The following NDST2 variants were observed in gnomAD, a reference collection of about 807,000 sequenced individuals.
NDST2 encodes the protein bifunctional heparan sulfate N-deacetylase/N-sulfotransferase 2.
A neutral mutation model predicts 86.9 loss-of-function variants in NDST2; 32 were observed. That is an observed-to-expected ratio of 0.37 (90% CI 0.28 to 0.49). NDST2 has a LOEUF of 0.49. NDST2 is among the 20% of genes least tolerant of loss of function. The pLI is 0.97. For missense variants in NDST2, 950 were observed against 1,146.9 expected, an observed-to-expected ratio of 0.83 and a Z score of 2.48; for synonymous variants, 409 against 437.0, an observed-to-expected ratio of 0.94 and a Z score of 0.80.
chr10:73,803,330 A>G lies in NDST2; in HGVS notation c.2172T>C (p.Ala724=), dbSNP rs1233510075. ...TCACCTGATAGAAGGTATAGTTCAGAGCAACTGGGTCTCCATGGGCTCGCT... is the reference window on the plus strand; with the variant it reads ...TCACCTGATAGAAGGTATAGTTCAGGGCAACTGGGTCTCCATGGGCTCGCT... The part of the protein sequence containing the change: ...QHQRAHGDPV[A]LNYTFYQVIS... The change falls in exon 12 of 15, where the codon GCT becomes GCC. Residue 724 remains alanine, a synonymous_variant. Transcript: ENST00000309979. The G allele has an allele frequency of 6.2e-7, 1 of 1,614,098 alleles. No homozygotes were observed. The highest frequency in any genetic ancestry group is 8.5e-7 in the Non-Finnish European group (1 of 1,180,038).
At position 73,803,677 on chromosome 10, in the gene NDST2, A is replaced by G; in HGVS notation, c.2039T>C (p.Phe680Ser). The G allele has an allele frequency of 1.2e-6, 2 of 1,614,026 alleles. No homozygotes were observed. Among genetic ancestry groups the G allele is most frequent in the East Asian group, 2.2e-5 (1 of 44,876 alleles). The part of the protein sequence containing the change: ...DFLFEKSATY[F>S]DSEVVPRRGA... ...CCGCCGTGGTACAACTTCAGAGTCA[A>G]AGTAGGTGGCACTTTTTTCAAATAG... Residue 680 changes from phenylalanine (F) to serine (S), a missense_variant, in exon 11 of 15, where the codon TTT (phenylalanine) becomes TCT (serine). Phe to Ser is a radical substitution (Grantham distance 155). Transcript: ENST00000309979.
In NDST2 at chr10:73,808,404, G is replaced by A. The variant is rs1392042448; in HGVS notation, c.-16C>T. On this transcript the variant is annotated 5_prime_UTR_variant, in exon 3 of 15. Transcript: ENST00000309979. This position sits in a 1 kb window ranked among gnomAD's most constrained non-coding sequence, Gnocchi z 4.3. ...ACTGGAGCATGGCGGGGGGAGGAAG[G>A]GAGGGAGGAATGGGGACCACCTCAG... is the stretch of plus-strand genomic sequence containing the variant. 2 of 1,574,030 alleles carry A rather than the reference G, an allele frequency of 1.3e-6. No individual in the cohort carries two copies. The highest frequency in any genetic ancestry group is 1.8e-5 in the Admixed American group (1 of 55,482).
Position 73,805,727 on chromosome 10 carries a change from G to A in NDST2, c.1606C>T (p.Arg536Trp), listed in dbSNP as rs528965527. ...CTCTCAAAGGTGTATAGGCCCAGCC[G>A]GTCATTTCCATAATTGGACAGATGG... is the stretch of plus-strand genomic sequence containing the variant. ...MTHLSNYGND[R>W]LGLYTFESLV... is the part of the protein sequence containing the mutation. The change falls in exon 8 of 15, where the codon CGG (arginine) becomes TGG (tryptophan). Residue 536 changes from arginine to tryptophan, a missense_variant. By Grantham distance (101) the Arg-to-Trp change is moderately radical. Around this residue, in one of 5 missense-constraint regions of NDST2, gnomAD observed 586 missense variants for 714.0 expected, o/e 0.82. Coordinates refer to ENST00000309979, the MANE Select transcript of NDST2 (RefSeq NM_003635.4). 13 of 1,614,186 alleles carry A rather than the reference G, an allele frequency of 8.1e-6. No individual in the cohort carries two copies. The highest frequency in any genetic ancestry group is 1.7e-5 in the Admixed American group (1 of 60,018).
chr10:73,803,073 A>T lies in NDST2; in HGVS notation c.2322T>A (p.Ile774=). The change falls in exon 13 of 15, where the codon ATT becomes ATA. Residue 774 remains isoleucine (I), a synonymous_variant. Transcript: ENST00000309979. ...TGGTACGCAGCTCTTGCCCATCCAC[A>T]ATCAGCAACTAAAAGGACAGGGATG... ...LTYYPSGQLL[I]VDGQELRTNP... The T allele has an allele frequency of 6.2e-7, 1 of 1,614,206 alleles. No homozygotes were observed.
At position 73,806,427 on chromosome 10, in the gene NDST2, G is replaced by A; in HGVS notation, c.1296C>T (p.His432=). 6.2e-7 allele frequency: 1 copy of A among 1,611,520 alleles called. No homozygotes were observed. The highest frequency in any genetic ancestry group is 1.1e-5 in the South Asian group (1 of 90,836). Residue 432 remains histidine (H), a synonymous_variant, in exon 6 of 15, where the codon CAC becomes CAT. Transcript: ENST00000309979. This position sits in a 1 kb window ranked among gnomAD's most constrained non-coding sequence, Gnocchi z 4.5. The part of the protein sequence containing the change: ...TDLGYAVAPH[H]SGVYPIHTQL... Reference sequence around the variant, plus strand: ...GCGTGTGGATGGGGTACACACCCGAGTGGTGGGGGGCCACAGCATACCCCA... The same window carrying A: ...GCGTGTGGATGGGGTACACACCCGAATGGTGGGGGGCCACAGCATACCCCA...
intron 1 of NDST2, among the ~76,000 whole-genome samples, 161 bp from the exon 2 acceptor site, chr10:73,811,064 A>G (rs1328743071): frequency 2.0e-5 from 3 of 151,606 alleles, no homozygotes; most frequent in Non-Finnish European, 2.9e-5. Flanking sequence ...GGGCTTGGGG[A>G]GGCCGGGACG....
chr10:73,803,882 C>T lies in NDST2; in HGVS notation c.1967+11G>A, dbSNP rs1376870200. The T allele has an allele frequency of 2.5e-6, 4 of 1,613,940 alleles. No homozygotes were observed. In the African/African-American group the frequency reaches 5.3e-5, roughly 22 times the overall value. Reference sequence around the variant, plus strand: ...TCCTCTGAGAAACATTCAAATGGGGCCCAGTCTCACCAGTCAATACCCTTG... The same window carrying T: ...TCCTCTGAGAAACATTCAAATGGGGTCCAGTCTCACCAGTCAATACCCTTG... On this transcript the variant is annotated intron_variant, in intron 10 of 14. Transcript: ENST00000309979.
In NDST2 at chr10:73,805,754, T is replaced by C; in HGVS notation, c.1579A>G (p.Thr527Ala). 6.2e-7 allele frequency: 1 copy of C among 1,614,172 alleles called. No homozygotes were observed. The highest frequency in any genetic ancestry group is 8.5e-7 in the Non-Finnish European group (1 of 1,180,014). Reference sequence around the variant, plus strand: ...TCATTTCCATAATTGGACAGATGGGTCATAAAGATGCTGATCTGTAAGGGG... The same window carrying C: ...TCATTTCCATAATTGGACAGATGGGCCATAAAGATGCTGATCTGTAAGGGG... ...VLLNPISIFM[T>A]HLSNYGNDRL... is the part of the protein sequence containing the mutation. Residue 527 changes from threonine (T) to alanine (A), a missense_variant, in exon 8 of 15, where the codon ACC (threonine) becomes GCC (alanine). By Grantham distance (58) the Thr-to-Ala change is moderately conservative. This residue lies in a region of NDST2 where 586 missense variants were observed against 714.0 expected (regional missense o/e 0.82). Transcript: ENST00000309979.
Position 73,806,889 on chromosome 10 carries a change from C to G in NDST2, c.1094-78G>C. ...TTTATTTTGTAACAACACTGACCAC[C>G]TTCCATCCCTGATCCTTGCCTAAGA... On this transcript the variant is annotated intron_variant, in intron 4 of 14. Transcript: ENST00000309979. This position sits in a 1 kb window ranked among gnomAD's most constrained non-coding sequence, Gnocchi z 4.5. The G allele has an allele frequency of 6.3e-7, 1 of 1,577,556 alleles. No homozygotes were observed. The highest frequency in any genetic ancestry group is 2.3e-5 in the East Asian group (1 of 44,382).
At position 73,806,791 on chromosome 10, in the gene NDST2, C is replaced by T. The variant is rs753584339; in HGVS notation, c.1114G>A (p.Gly372Arg). The change falls in exon 5 of 15, where the codon GGG becomes AGG. Residue 372 changes from glycine (G) to arginine (R), a missense_variant. Gly to Arg is a moderately radical substitution (Grantham distance 125). Around this residue, in one of 5 missense-constraint regions of NDST2, gnomAD observed 586 missense variants for 714.0 expected, o/e 0.82. Transcript: ENST00000309979. This position sits in a 1 kb window ranked among gnomAD's most constrained non-coding sequence, Gnocchi z 4.5. The part of the protein sequence containing the change: ...YHTGTEEEDA[G>R]DDMLLKHRKE... ...CGGTGCTTCAGCAGCATGTCGTCCC[C>T]TGCATCCTCCTCCTCTGTCCCTATG... The T allele has an allele frequency of 1.2e-6, 2 of 1,614,024 alleles. No homozygotes were observed. Among genetic ancestry groups the T allele is most frequent in the South Asian group, 2.2e-5 (2 of 91,082 alleles).
chr10:73,807,305 G>A, intron 3 of NDST2, 79 bp downstream of exon 3: 2 of 1,579,516 alleles, frequency 1.3e-6, no homozygotes, highest in Non-Finnish European at 1.7e-6. Context: ...CCTATGACAA[G>A]CTCAGAATCA....
chr10:73,802,940 C>G, intron 13 of NDST2, 32 bp downstream of exon 13: 1 of 1,600,002 alleles, frequency 6.2e-7, no homozygotes, highest in Non-Finnish European at 8.6e-7. Flanking sequence ...ATTTCCCATA[C>G]AGTACTCCTC....
chr10:73,809,988 C>A (rs2084168332), intron 2 of NDST2, among the ~76,000 whole-genome samples: 1 of 152,160 alleles, frequency 6.6e-6, no homozygotes, highest in Non-Finnish European at 1.5e-5. Context: ...CCTCCGGCCT[C>A]AGCCTCCTGA....
At position 73,808,658 on chromosome 10, in the gene NDST2, C is replaced by G; in HGVS notation, c.-270G>C. Reference sequence around the variant, plus strand: ...CATGGCTTCAGGCTGCAAATCTTGCCAGGCTCTCCCCTTGGCCCTGGCTGA... The same window carrying G: ...CATGGCTTCAGGCTGCAAATCTTGCGAGGCTCTCCCCTTGGCCCTGGCTGA... On this transcript the variant is annotated 5_prime_UTR_variant, in exon 3 of 15. Coordinates refer to ENST00000309979, the MANE Select transcript of NDST2 (RefSeq NM_003635.4). The surrounding 1 kb of genome is among the most constrained non-coding windows in gnomAD (Gnocchi z 4.3). The G allele has an allele frequency of 2.4e-6, 1 of 409,230 alleles. No homozygotes were observed. The highest frequency in any genetic ancestry group is 4.4e-6 in the Non-Finnish European group (1 of 228,472). 25.3% of individuals were successfully genotyped at this position (409,230 alleles called of 1,614,324 possible).
At position 73,806,358 on chromosome 10, in the gene NDST2, G is replaced by C. The variant is rs776308775; in HGVS notation, c.1365C>G (p.Thr455=). ...GGAGATGGGGATACTCCTCAGTGCTGGTCACCTGGATGCCCCACACGGATT... is the reference window on the plus strand; with the variant it reads ...GGAGATGGGGATACTCCTCAGTGCTCGTCACCTGGATGCCCCACACGGATT... ...AWKSVWGIQV[T]STEEYPHLRP... The change falls in exon 6 of 15, where the codon ACC becomes ACG. Residue 455 remains threonine (T), a synonymous_variant. Coordinates refer to ENST00000309979, the MANE Select transcript of NDST2 (RefSeq NM_003635.4). This position sits in a 1 kb window ranked among gnomAD's most constrained non-coding sequence, Gnocchi z 4.5. The C allele has an allele frequency of 4.3e-6, 7 of 1,614,052 alleles. No homozygotes were observed. The South Asian group carries it at 7.7e-5, about 18-fold the overall frequency.
rs762112810 is a variant in NDST2, at chr10:73,806,433, G to C, written c.1290C>G (p.Pro430=). ...GGATGGGGTACACACCCGAGTGGTG[G>C]GGGGCCACAGCATACCCCAGGTCCG... ...IPTDLGYAVA[P]HHSGVYPIHT... The change falls in exon 6 of 15, where the codon CCC becomes CCG. Residue 430 remains proline (P), a synonymous_variant. Coordinates refer to ENST00000309979, the MANE Select transcript of NDST2 (RefSeq NM_003635.4). This position sits in a 1 kb window ranked among gnomAD's most constrained non-coding sequence, Gnocchi z 4.5. 2 of 1,610,334 alleles carry C rather than the reference G, an allele frequency of 1.2e-6. No individual in the cohort carries two copies. The highest frequency in any genetic ancestry group is 1.1e-5 in the South Asian group (1 of 90,710).
chr10:73,806,425 G>A lies in NDST2; in HGVS notation c.1298C>T (p.Ser433Leu), dbSNP rs1457232056. 1.9e-6 allele frequency: 3 copies of A among 1,611,544 alleles called. No homozygotes were observed. Residue 433 changes from serine to leucine, a missense_variant, in exon 6 of 15, where the codon TCG (serine) becomes TTG (leucine). Physicochemically the swap from Ser to Leu is moderately radical, Grantham distance 145. Transcript: ENST00000309979. This position sits in a 1 kb window ranked among gnomAD's most constrained non-coding sequence, Gnocchi z 4.5. The part of the protein sequence containing the change: ...DLGYAVAPHH[S>L]GVYPIHTQLY... ...CTGCGTGTGGATGGGGTACACACCCGAGTGGTGGGGGGCCACAGCATACCC... is the reference window on the plus strand; with the variant it reads ...CTGCGTGTGGATGGGGTACACACCCAAGTGGTGGGGGGCCACAGCATACCC...
chr10:73,803,324 G>C lies in NDST2; in HGVS notation c.2178C>G (p.Asn726Lys). The change falls in exon 12 of 15, where the codon AAC (asparagine) becomes AAG (lysine). Residue 726 changes from asparagine (N) to lysine (K), a missense_variant. Asn to Lys is a moderately conservative substitution (Grantham distance 94). Around this residue, in one of 5 missense-constraint regions of NDST2, gnomAD observed 303 missense variants for 323.7 expected, o/e 0.94. Transcript: ENST00000309979. ...CTGAAATCACCTGATAGAAGGTATA[G>C]TTCAGAGCAACTGGGTCTCCATGGG... ...QRAHGDPVAL[N>K]YTFYQVISAS... 6.2e-7 allele frequency: 1 copy of C among 1,614,240 alleles called. No individual in the cohort carries two copies. The highest frequency in any genetic ancestry group is 1.1e-5 in the South Asian group (1 of 91,086).
At chr10:73,803,519 T>TCCTCC in intron 11 of NDST2, 55 bp downstream of exon 11, 1 of 565,898 alleles carries the variant, frequency 1.8e-6, no homozygotes, top group Non-Finnish European at 3.4e-6. Flanking sequence ...GCAGTCACTG[T>TCCTCC]CCCCTCCCCC....
Sources: gnomAD v4.1 joint callset for allele counts (sites outside exome capture counted in the v4.1 genomes callset) on GRCh38, gnomAD v4.1.1 for gene constraint, gnomAD v4.1.1 regional missense constraint, Gnocchi (gnomAD v3.1) non-coding constraint, MANE v1.5 for transcripts, NCBI Gene and HGNC (gene_info 2026-07-23, HGNC 2026-07-21) for gene names.